Variants in ERC2 observed in about 807,000 individuals in gnomAD.
ERC2 encodes ERC protein 2.
ERC2 carries 42 observed loss-of-function variants against 114.8 expected under a neutral mutation model. The ratio of observed to expected loss-of-function variants is 0.37; its 90% confidence interval spans 0.29 to 0.47. The LOEUF is 0.47. ERC2 is among the 20% of genes least tolerant of loss of function. The pLI is 0.99. For synonymous variants in ERC2, 454 were observed against 425.5 expected (o/e 1.07, Z -0.82); for missense variants, 939 against 1,150.7 (o/e 0.82, Z 2.66).
At chr3:55,582,074 A>G (rs1326530528) in intron 17 of ERC2, among the ~76,000 whole-genome samples, 1 of 152,044 alleles carries the variant, frequency 6.6e-6, no homozygotes, top group Admixed American at 6.6e-5. Context: ...AACACTCTTC[A>G]CTTTTCCTGT....
At chr3:55,745,963 T>C (rs1206977583) in intron 14 of ERC2, among the ~76,000 whole-genome samples, 1 of 152,236 alleles carries the variant, frequency 6.6e-6, no homozygotes, top group East Asian at 1.9e-4. Flanking sequence ...TTAAAGCTGC[T>C]AATATTTATT....
At chr3:56,140,980 C>G (rs1008177036) in intron 5 of ERC2, among the ~76,000 whole-genome samples, 5 of 152,144 alleles carry the variant, frequency 3.3e-5, no homozygotes, top group Admixed American at 2.6e-4. Flanking sequence ...GCCGAGATCA[C>G]GCCACTGCCC....
At chr3:55,733,464 T>TCACACA (rs60980671) in intron 15 of ERC2, among the ~76,000 whole-genome samples, 34 of 134,080 alleles carry the variant, frequency 2.5e-4, no homozygotes, top group Admixed American at 1.6e-3. Context: ...TCTCTCTCTC[T>TCACACA]CACACACACA....
At chr3:55,848,216 C>A (rs1434251914) in intron 14 of ERC2, among the ~76,000 whole-genome samples, 1 of 152,204 alleles carries the variant, frequency 6.6e-6, no homozygotes, top group Middle Eastern at 3.2e-3. Flanking sequence ...GCCGTCTTGT[C>A]CTCCTTCTGC....
chr3:56,402,552 C>T (rs2060559428), intron 2 of ERC2, among the ~76,000 whole-genome samples: 1 of 152,048 alleles, frequency 6.6e-6, no homozygotes, highest in Non-Finnish European at 1.5e-5. Context: ...AACCTGCCCC[C>T]TAGGAGGGCT....
chr3:56,346,283 T>A, intron 2 of ERC2, among the ~76,000 whole-genome samples: 1 of 152,212 alleles, frequency 6.6e-6, no homozygotes, highest in East Asian at 1.9e-4. Flanking sequence ...CACATTTTTT[T>A]AAATTTCTAC....
intron 17 of ERC2, among the ~76,000 whole-genome samples, chr3:55,590,660 G>A (rs1575683793): frequency 1.3e-5 from 2 of 152,170 alleles, no homozygotes; most frequent in South Asian, 4.1e-4. Flanking sequence ...CCACAATTCT[G>A]TAAAAATTGC....
chr3:55,745,184 G>A (rs1335076289), intron 14 of ERC2, among the ~76,000 whole-genome samples: 1 of 152,192 alleles, frequency 6.6e-6, no homozygotes, highest in Non-Finnish European at 1.5e-5. Context: ...AGAGGAGTCT[G>A]CTGACCACAG....
intron 3 of ERC2, among the ~76,000 whole-genome samples, chr3:56,257,818 G>A (rs559708408): frequency 2.6e-5 from 4 of 152,172 alleles, no homozygotes; most frequent in African/African-American, 4.8e-5. Flanking sequence ...CAGCATGTTA[G>A]TAATTACAGA....
intron 14 of ERC2, among the ~76,000 whole-genome samples, chr3:55,791,426 A>G (rs943065241): frequency 1.2e-4 from 19 of 152,192 alleles, no homozygotes; most frequent in Admixed American, 1.2e-3. Context: ...ATAAAACAGC[A>G]GACATGTAAT....
intron 7 of ERC2, among the ~76,000 whole-genome samples, chr3:56,060,146 G>C (rs1238732099): frequency 1.3e-5 from 2 of 152,020 alleles, no homozygotes; most frequent in African/African-American, 4.8e-5. Context: ...TACTACACTG[G>C]GAACGTCTTA....
chr3:56,399,863 G>A (rs1354401603), intron 2 of ERC2, among the ~76,000 whole-genome samples: 1 of 152,072 alleles, frequency 6.6e-6, no homozygotes, highest in Admixed American at 6.5e-5. Context: ...CTCTCTGCAG[G>A]GATGCAATCA....
At chr3:55,888,807 G>A (rs189021995) in intron 13 of ERC2, among the ~76,000 whole-genome samples, 115 of 152,264 alleles carry the variant, frequency 7.6e-4, no homozygotes, top group Non-Finnish European at 1.2e-3. Flanking sequence ...ACATTGGGTT[G>A]AGTGTATACT....
At chr3:55,774,043 G>C (rs902269496) in intron 14 of ERC2, among the ~76,000 whole-genome samples, 3 of 152,108 alleles carry the variant, frequency 2.0e-5, no homozygotes, top group Admixed American at 6.5e-5. Flanking sequence ...CATCCTTCTG[G>C]CTGCCCTGCT....
intron 3 of ERC2, among the ~76,000 whole-genome samples, chr3:56,259,945 C>T (rs1037835888): frequency 2.6e-5 from 4 of 152,186 alleles, no homozygotes; most frequent in African/African-American, 7.2e-5. Flanking sequence ...ATGGAACCCC[C>T]GATAGGCTCG....
chr3:55,747,832 T>C (rs2066407352), intron 14 of ERC2, among the ~76,000 whole-genome samples: 1 of 152,242 alleles, frequency 6.6e-6, no homozygotes, highest in Non-Finnish European at 1.5e-5. Context: ...CCTGAAGCCT[T>C]GCACTGCTAA....
At chr3:55,905,728 T>C (rs2064395625) in intron 13 of ERC2, among the ~76,000 whole-genome samples, 1 of 152,192 alleles carries the variant, frequency 6.6e-6, no homozygotes. Context: ...CCTACTCAAC[T>C]ACATCCCATG....
intron 2 of ERC2, among the ~76,000 whole-genome samples, chr3:56,314,116 A>T (rs896998267): frequency 4.6e-5 from 7 of 152,196 alleles, no homozygotes; most frequent in African/African-American, 1.4e-4. Flanking sequence ...AAGATCTCTG[A>T]CTATGACATC....
At chr3:56,083,971 T>C (rs2077374202) in intron 6 of ERC2, among the ~76,000 whole-genome samples, 1 of 151,274 alleles carries the variant, frequency 6.6e-6, no homozygotes, top group Non-Finnish European at 1.5e-5. Flanking sequence ...TTTTCAAACA[T>C]TTTGCTTCCT....
Sources: allele counts gnomAD v4.1 joint callset (sites outside exome capture counted in the v4.1 genomes callset), GRCh38; gene constraint gnomAD v4.1.1; transcripts MANE v1.5; gene names NCBI Gene and HGNC (gene_info 2026-07-23, HGNC 2026-07-21).